The following NXN variants were observed in gnomAD, a reference collection of about 807,000 sequenced individuals.
The protein encoded by NXN is nucleoredoxin 1.
A neutral mutation model predicts 48.6 loss-of-function variants in NXN; 16 were observed. That is an observed-to-expected ratio of 0.33 (90% CI 0.22 to 0.50). The LOEUF (loss-of-function observed/expected upper bound fraction) is 0.50. Ranked by LOEUF, NXN falls within the 20% of genes least tolerant of loss-of-function variation. NXN has a pLI of 0.98. For synonymous variants in NXN, 281 were observed against 269.6 expected (o/e 1.04, Z -0.41); for missense variants, 492 against 605.5 (o/e 0.81, Z 1.97).
chr17:910,337 G>A (rs146885819), intron 1 of NXN, among the ~76,000 whole-genome samples: 2,035 of 152,074 alleles, frequency 0.013, 44 homozygotes, highest in African/African-American at 0.047. Flanking sequence ...ACTTGAACCC[G>A]GGAGGCGGAG....
intron 1 of NXN, among the ~76,000 whole-genome samples, chr17:909,293 G>C (rs9893860): frequency 6.6e-6 from 1 of 151,432 alleles, no homozygotes; most frequent in South Asian, 2.1e-4. Context: ...CACTTATAAA[G>C]CTAAACATTA....
At chr17:883,431 C>A (rs969765425) in intron 1 of NXN, among the ~76,000 whole-genome samples, 2 of 152,126 alleles carry the variant, frequency 1.3e-5, no homozygotes, top group African/African-American at 4.8e-5. Flanking sequence ...GTTGAACCAG[C>A]ACAGGCCTCA....
intron 1 of NXN, among the ~76,000 whole-genome samples, chr17:897,960 T>C (rs58700377): frequency 0.15 from 23,241 of 152,168 alleles, 1,888 homozygotes; most frequent in Middle Eastern, 0.18. Flanking sequence ...GGATGACAGG[T>C]GTGAACCCCT....
chr17:917,198 A>G lies in NXN; in HGVS notation c.360+62121T>C, dbSNP rs558767237. 1.0e-3 allele frequency among the ~76,000 whole-genome samples: 152 copies of G among 151,722 alleles called. 1 individual carries two copies. Among genetic ancestry groups the G allele is most frequent in the African/African-American group, 3.2e-3 (133 of 41,368 alleles). On this transcript the variant is annotated intron_variant, in intron 1 of 7. Transcript: ENST00000336868. This position sits in a 1 kb window ranked among gnomAD's most constrained non-coding sequence, Gnocchi z 4.5. ...TTTCTGTAGCCCAGGCTGGAGTGCA[A>G]TGGCGCGACCTCGGCTCGCCGTGGC...
At chr17:890,233 C>T (rs1182576099) in intron 1 of NXN, among the ~76,000 whole-genome samples, 3 of 151,988 alleles carry the variant, frequency 2.0e-5, no homozygotes, top group Admixed American at 1.3e-4. Context: ...GATCCTTTTC[C>T]CTCTGAACAT....
intron 1 of NXN, among the ~76,000 whole-genome samples, chr17:844,079 C>T (rs1333321739): frequency 1.3e-5 from 2 of 151,304 alleles, no homozygotes; most frequent in East Asian, 2.0e-4. Flanking sequence ...GGAGACCAGG[C>T]GGTGGAGACC....
At chr17:811,456 T>C (rs1339313967) in intron 5 of NXN, among the ~76,000 whole-genome samples, 1 of 151,474 alleles carries the variant, frequency 6.6e-6, no homozygotes, top group Non-Finnish European at 1.5e-5. Context: ...GAAAAAGAAT[T>C]TTCAGCACTG....
intron 1 of NXN, among the ~76,000 whole-genome samples, chr17:954,184 C>A (rs2069142548): frequency 6.6e-6 from 1 of 152,118 alleles, no homozygotes; most frequent in Non-Finnish European, 1.5e-5. Context: ...TCGAGACCAG[C>A]CTGGCCAACA....
At chr17:943,667 T>TA (rs1253803403) in intron 1 of NXN, among the ~76,000 whole-genome samples, 1 of 148,650 alleles carries the variant, frequency 6.7e-6, no homozygotes, top group African/African-American at 2.5e-5. Flanking sequence ...ACTAAAAATA[T>TA]AAAAATTAAC....
In NXN at chr17:814,580, C is replaced by T. The variant is rs536336704; in HGVS notation, c.820+4859G>A. Among the ~76,000 whole-genome samples, 4 of 152,342 alleles carry T rather than the reference C, an allele frequency of 2.6e-5. No individual in the cohort carries two copies. The South Asian group carries it at 6.2e-4, about 24-fold the overall frequency. On this transcript the variant is annotated intron_variant, in intron 5 of 7. Coordinates refer to ENST00000336868, the MANE Select transcript of NXN (RefSeq NM_022463.5). Reference sequence around the variant, plus strand: ...TGACACGTACTCGGACCAACACTGTCGTGTTCGTGAAGACGTCATCACACT... The same window carrying T: ...TGACACGTACTCGGACCAACACTGTTGTGTTCGTGAAGACGTCATCACACT...
intron 1 of NXN, among the ~76,000 whole-genome samples, chr17:973,647 G>A (rs1655006744): frequency 6.6e-6 from 1 of 151,908 alleles, no homozygotes; most frequent in Non-Finnish European, 1.5e-5. Flanking sequence ...GTCTTTCTTC[G>A]CAGTTATAAT....
rs1465844870 is a variant in NXN, at chr17:903,308, C to T, written c.360+76011G>A. On this transcript the variant is annotated intron_variant, in intron 1 of 7. Transcript: ENST00000336868. ...GCAACCTCCTCTTCCAGTGTTCAAACGATTCTCCTGCCTCAGCCTCCCAAG... is the reference window on the plus strand; with the variant it reads ...GCAACCTCCTCTTCCAGTGTTCAAATGATTCTCCTGCCTCAGCCTCCCAAG... Among the ~76,000 whole-genome samples, 4 of 151,988 alleles carry T rather than the reference C, an allele frequency of 2.6e-5. No homozygotes were observed. In the South Asian group the frequency reaches 6.2e-4, roughly 24 times the overall value.
At chr17:843,907 C>A (rs1028595935) in intron 1 of NXN, among the ~76,000 whole-genome samples, 2 of 152,214 alleles carry the variant, frequency 1.3e-5, no homozygotes. Context: ...CTTTCCAGAA[C>A]CCGTGAGACT....
intron 1 of NXN, among the ~76,000 whole-genome samples, chr17:906,712 A>G (rs111862027): frequency 0.17 from 24,672 of 149,418 alleles, 2,516 homozygotes; most frequent in Middle Eastern, 0.29. Context: ...GACTACAGGC[A>G]CCCACCACCA....
intron 1 of NXN, among the ~76,000 whole-genome samples, chr17:840,038 A>G (rs536490361): frequency 6.6e-6 from 1 of 151,560 alleles, no homozygotes; most frequent in East Asian, 2.0e-4. Context: ...TGGAGGTTGC[A>G]GTGAGCTGAG....
chr17:853,368 A>C (rs984570863), intron 1 of NXN, among the ~76,000 whole-genome samples: 5 of 151,862 alleles, frequency 3.3e-5, no homozygotes, highest in African/African-American at 9.7e-5. Flanking sequence ...GAATCGCTTG[A>C]ACCTGGGAGG....
intron 5 of NXN, among the ~76,000 whole-genome samples, chr17:811,503 C>G (rs538270051): frequency 7.6e-6 from 1 of 131,734 alleles, no homozygotes; most frequent in Non-Finnish European, 1.7e-5. Context: ...CGTAAAGCCC[C>G]GGGGTTGGGG....
intron 1 of NXN, among the ~76,000 whole-genome samples, chr17:922,922 G>A (rs2144955064): frequency 6.6e-6 from 1 of 152,048 alleles, no homozygotes; most frequent in South Asian, 2.1e-4. Flanking sequence ...AAAGTGCTGG[G>A]ATTACAGACG....
At chr17:976,506 C>T (rs181991277) in intron 1 of NXN, among the ~76,000 whole-genome samples, 2 of 152,204 alleles carry the variant, frequency 1.3e-5, no homozygotes, top group Non-Finnish European at 2.9e-5. Context: ...TCTGGTTTCC[C>T]TTCAGTGTAA....
Sources: allele counts gnomAD v4.1 joint callset (sites outside exome capture counted in the v4.1 genomes callset), GRCh38; gene constraint gnomAD v4.1.1; non-coding constraint Gnocchi (gnomAD v3.1); transcripts MANE v1.5; gene names NCBI Gene and HGNC (gene_info 2026-07-23, HGNC 2026-07-21).